Variants in FRMPD4 observed in about 807,000 individuals in gnomAD.
FRMPD4 encodes the protein FERM and PDZ domain-containing protein 4.
A neutral mutation model predicts 94.1 loss-of-function variants in FRMPD4; 22 were observed. That is an observed-to-expected ratio of 0.23 (90% CI 0.17 to 0.33). The LOEUF (loss-of-function observed/expected upper bound fraction) is 0.33. Among genes scored for constraint, FRMPD4 ranks in the 10% least tolerant of loss-of-function variants. The pLI is 1.00. For synonymous variants in FRMPD4, 631 were observed against 548.6 expected, an observed-to-expected ratio of 1.15 and a Z score of -2.10; for missense variants, 1,111 against 1,339.9, an observed-to-expected ratio of 0.83 and a Z score of 2.67.
intron 2 of FRMPD4, among the ~76,000 whole-genome samples, chrX:12,509,373 G>GTA (rs769579317): frequency 8.0e-5 from 9 of 111,855 alleles, no homozygotes; most frequent in Admixed American, 2.8e-4. Flanking sequence ...AAACTTTGGT[G>GTA]TATATATATA....
At chrX:12,534,668 G>T (rs755326942) in intron 2 of FRMPD4, among the ~76,000 whole-genome samples, 11 of 112,710 alleles carry the variant, frequency 9.8e-5, no homozygotes, top group African/African-American at 3.2e-4. Context: ...TGCCCCACTG[G>T]ATTTCAGACT....
intron 1 of FRMPD4, among the ~76,000 whole-genome samples, chrX:12,335,763 G>A (rs2055509689): frequency 8.9e-6 from 1 of 112,044 alleles, no homozygotes; most frequent in Non-Finnish European, 1.9e-5. Flanking sequence ...CTGAAGCCTG[G>A]TTTTGCATAA....
intron 3 of FRMPD4, among the ~76,000 whole-genome samples, chrX:12,120,904 A>C (rs1438037399): frequency 1.8e-5 from 2 of 110,641 alleles, no homozygotes; most frequent in East Asian, 5.6e-4. Flanking sequence ...ACTTTCAGTG[A>C]TTCTTCAAGT....
Position 12,674,743 on chromosome X carries a change from C to T in FRMPD4, c.423-120C>T, listed in dbSNP as rs1368858512. 7.1e-6 allele frequency: 4 copies of T among 559,727 alleles called. 1 individual carries two copies. Among genetic ancestry groups the T allele is most frequent in the Non-Finnish European group, 1.3e-5 (4 of 317,243 alleles). The allele number at this position is 559,727 out of a possible 1,213,427, so 46.1% of individuals were successfully genotyped here. ...ATCTGAGCTATTTGGTTTACTCTAT[C>T]CTGGGAGTCCAGGGAGCATTCACTA... On this transcript the variant is annotated intron_variant, in intron 4 of 16. Transcript: ENST00000675598.
chrX:12,688,150 G>A (rs1197593374), intron 7 of FRMPD4, among the ~76,000 whole-genome samples: 1 of 111,867 alleles, frequency 8.9e-6, no homozygotes, highest in Non-Finnish European at 1.9e-5. Flanking sequence ...TAACCCGCAG[G>A]TCATAGTTGG....
chrX:12,441,583 T>C (rs1036200557), intron 1 of FRMPD4, among the ~76,000 whole-genome samples: 26 of 111,996 alleles, frequency 2.3e-4, no homozygotes, highest in Non-Finnish European at 4.9e-4. Context: ...ATTTTGCCAC[T>C]GCCTTCTGCA....
At chrX:12,294,489 G>C (rs866746013) in intron 1 of FRMPD4, among the ~76,000 whole-genome samples, 33 of 22,363 alleles carry the variant, frequency 1.5e-3, no homozygotes, top group African/African-American at 6.8e-3. Context: ...CACACACAGA[G>C]AGAGAGAGAG....
intron 2 of FRMPD4, among the ~76,000 whole-genome samples, chrX:11,874,346 C>T (rs886904287): frequency 1.2e-4 from 13 of 111,729 alleles, no homozygotes; most frequent in African/African-American, 3.9e-4. Context: ...GACAGGGTCT[C>T]ACTTTGTTGG....
intron 1 of FRMPD4, among the ~76,000 whole-genome samples, chrX:12,213,237 G>T (rs758066537): frequency 9.0e-6 from 1 of 111,620 alleles, no homozygotes; most frequent in East Asian, 2.8e-4. Context: ...TTCATGATAA[G>T]GTCCCCTTAA....
chrX:11,847,842 T>C (rs1460704472), intron 1 of FRMPD4, among the ~76,000 whole-genome samples: 1 of 78,983 alleles, frequency 1.3e-5, no homozygotes, highest in Non-Finnish European at 2.2e-5. Flanking sequence ...TGAGAACACA[T>C]GGACACAGGA....
chrX:12,609,491 T>C (rs2059160124), intron 2 of FRMPD4, among the ~76,000 whole-genome samples: 1 of 111,825 alleles, frequency 8.9e-6, no homozygotes, highest in Non-Finnish European at 1.9e-5. Flanking sequence ...GGCTGGGCCA[T>C]ATGCATATCT....
rs754938488 is a variant in FRMPD4, at chrX:12,549,699, A to G, written c.158+50903A>G. On this transcript the variant is annotated intron_variant, in intron 2 of 16. Coordinates refer to ENST00000675598, the MANE Select transcript of FRMPD4 (RefSeq NM_001368397.1). ...CTGTTAGCGGCAGTATCCAGGCACC[A>G]ATAGACCAGTATTTCCCAAACTGTG... 1.3e-4 allele frequency among the ~76,000 whole-genome samples: 15 copies of G among 112,189 alleles called. No homozygotes were observed. The South Asian group carries it at 5.6e-3, about 42-fold the overall frequency.
At chrX:12,004,668 G>A (rs766729287) in intron 3 of FRMPD4, among the ~76,000 whole-genome samples, 28 of 109,337 alleles carry the variant, frequency 2.6e-4, no homozygotes, top group Admixed American at 5.9e-4. Flanking sequence ...CTGAATGTTT[G>A]GTATTGTTTT....
In FRMPD4 at chrX:12,059,923, G is replaced by T. The variant is rs754719332; in HGVS notation, c.95+181905G>T. The stretch of plus-strand genomic sequence containing the variant: ...AATAGCGTACAATAAACATGTGAGT[G>T]TATGTGTGTTTTTGGTAGAATAACA... On this transcript the variant is annotated intron_variant, in intron 3 of 18. Coordinates refer to the FRMPD4 transcript ENST00000640291. Among the ~76,000 whole-genome samples, 4 of 111,315 alleles carry T rather than the reference G, an allele frequency of 3.6e-5. No homozygotes were observed. In the East Asian group the frequency reaches 8.4e-4, roughly 23 times the overall value.
chrX:12,104,034 G>A (rs1053165704), intron 3 of FRMPD4, among the ~76,000 whole-genome samples: 1 of 112,105 alleles, frequency 8.9e-6, no homozygotes, highest in African/African-American at 3.2e-5. Flanking sequence ...CCTTTGTGCT[G>A]CATCATCCCA....
chrX:12,008,022 C>A (rs2054562818), intron 3 of FRMPD4, among the ~76,000 whole-genome samples: 1 of 111,539 alleles, frequency 9.0e-6, no homozygotes, highest in Non-Finnish European at 1.9e-5. Flanking sequence ...ATGGGCAGGG[C>A]ACCAGAAATA....
At chrX:12,418,426 T>C (rs1402187010) in intron 1 of FRMPD4, among the ~76,000 whole-genome samples, 2 of 103,945 alleles carry the variant, frequency 1.9e-5, no homozygotes, top group Non-Finnish European at 3.9e-5. Flanking sequence ...TGGTGCAATC[T>C]TGGCTCACTG....
rs759362152 is a variant in FRMPD4, at chrX:12,380,108, ATTC to A, written c.42-118568_42-118566del. On this transcript the variant is annotated intron_variant, in intron 1 of 16. Transcript: ENST00000675598. ...GAAAAATGATTTTGTTTGATGACAC[ATTC>A]TTCAATTGTTCTGAGCCTATAAAAG... Among the ~76,000 whole-genome samples, 6 of 111,978 alleles carry A rather than the reference ATTC, an allele frequency of 5.4e-5. No individual in the cohort carries two copies. In the East Asian group the frequency reaches 1.7e-3, roughly 31 times the overall value.
intron 1 of FRMPD4, among the ~76,000 whole-genome samples, chrX:11,839,139 A>G (rs1215929011): frequency 9.0e-6 from 1 of 111,565 alleles, no homozygotes; most frequent in Admixed American, 9.5e-5. Context: ...AATCCTCACC[A>G]TATTTAGTTT....
Sources: gnomAD v4.1 joint callset for allele counts (sites outside exome capture counted in the v4.1 genomes callset) on GRCh38, gnomAD v4.1.1 for gene constraint, MANE v1.5 for transcripts, NCBI Gene and HGNC (gene_info 2026-07-23, HGNC 2026-07-21) for gene names.